The following ZNF385D variants were observed in gnomAD, a reference collection of about 807,000 sequenced individuals.
ZNF385D encodes zinc finger protein 659.
A neutral mutation model predicts 35.8 loss-of-function variants in ZNF385D; 15 were observed. The ratio of observed to expected loss-of-function variants is 0.42; its 90% CI spans 0.28 to 0.64. ZNF385D has a LOEUF of 0.64. Ranked by LOEUF, ZNF385D falls within the 30% of genes least tolerant of loss-of-function variation. ZNF385D has a pLI of 0.23. For missense variants in ZNF385D, 474 were observed against 494.6 expected, an observed-to-expected ratio of 0.96 and a Z score of 0.39; for synonymous variants, 212 against 186.8, an observed-to-expected ratio of 1.13 and a Z score of -1.10.
At chr3:21,453,520 A>C (rs890825920) in intron 4 of ZNF385D, among the ~76,000 whole-genome samples, 1 of 152,014 alleles carries the variant, frequency 6.6e-6, no homozygotes, top group African/African-American at 2.4e-5. Context: ...CAAATCCACG[A>C]TATAAAGACA....
chr3:21,765,825 A>G (rs1347029836), intron 3 of ZNF385D, among the ~76,000 whole-genome samples: 1 of 152,092 alleles, frequency 6.6e-6, no homozygotes, highest in African/African-American at 2.4e-5. Flanking sequence ...TGGTTAATTC[A>G]AAAGTTTCTT....
chr3:21,926,636 T>C, intron 3 of ZNF385D, among the ~76,000 whole-genome samples: 1 of 152,104 alleles, frequency 6.6e-6, no homozygotes. Flanking sequence ...TTACACCTTA[T>C]ACAAAAATTA....
chr3:21,930,726 T>C (rs1428802702), intron 3 of ZNF385D, among the ~76,000 whole-genome samples: 1 of 152,108 alleles, frequency 6.6e-6, no homozygotes, highest in African/African-American at 2.4e-5. Flanking sequence ...GTGAGAGGAA[T>C]GATAGTCTTC....
intron 3 of ZNF385D, among the ~76,000 whole-genome samples, chr3:21,960,203 T>C (rs372345290): frequency 2.7e-5 from 4 of 149,372 alleles, no homozygotes; most frequent in Admixed American, 6.7e-5. Flanking sequence ...TAAACAGCAA[T>C]ACACACACAC....
At chr3:22,046,039 A>G (rs960790032) in intron 3 of ZNF385D, among the ~76,000 whole-genome samples, 3 of 152,074 alleles carry the variant, frequency 2.0e-5, no homozygotes, top group Non-Finnish European at 2.9e-5. Context: ...TGTTAGTATA[A>G]TAATTGTCAA....
intron 3 of ZNF385D, among the ~76,000 whole-genome samples, chr3:21,803,321 A>G (rs546277788): frequency 3.3e-5 from 5 of 152,284 alleles, no homozygotes; most frequent in South Asian, 2.1e-4. Flanking sequence ...AGTGTTCACT[A>G]TTATCATCTT....
At chr3:21,998,881 C>T (rs577417887) in intron 3 of ZNF385D, among the ~76,000 whole-genome samples, 1 of 152,242 alleles carries the variant, frequency 6.6e-6, no homozygotes, top group South Asian at 2.1e-4. Flanking sequence ...CATGCACATA[C>T]TGAAGAGTTC....
chr3:21,771,099 G>T (rs2071057997), intron 3 of ZNF385D, among the ~76,000 whole-genome samples: 1 of 146,482 alleles, frequency 6.8e-6, no homozygotes, highest in African/African-American at 2.5e-5. Context: ...GTGGGGTCGG[G>T]GGAGGGGAGA....
intron 1 of ZNF385D, among the ~76,000 whole-genome samples, chr3:21,675,380 C>T (rs1211331990): frequency 6.6e-6 from 1 of 151,994 alleles, no homozygotes. Context: ...ACACTGGGTA[C>T]TGTACTGGGT....
chr3:21,832,855 CA>C (rs1382936875), intron 3 of ZNF385D, among the ~76,000 whole-genome samples: 1 of 152,080 alleles, frequency 6.6e-6, no homozygotes, highest in Non-Finnish European at 1.5e-5. Flanking sequence ...GCTTAACACC[CA>C]AAAGGAAAAA....
At chr3:22,208,220 A>G (rs1697282393) in intron 2 of ZNF385D, among the ~76,000 whole-genome samples, 1 of 151,982 alleles carries the variant, frequency 6.6e-6, no homozygotes, top group South Asian at 2.1e-4. Context: ...GGAGAAAGAA[A>G]ATGTGCTACA....
intron 3 of ZNF385D, among the ~76,000 whole-genome samples, chr3:22,130,088 C>A (rs146350338): frequency 1.7e-4 from 26 of 152,154 alleles, no homozygotes; most frequent in Non-Finnish European, 3.7e-4. Context: ...CCTTTGTGGC[C>A]CTGGGTGGGT....
intron 2 of ZNF385D, among the ~76,000 whole-genome samples, chr3:21,587,692 TA>T (rs1389730162): frequency 6.6e-6 from 1 of 152,050 alleles, no homozygotes; most frequent in African/African-American, 2.4e-5. Context: ...ATTATTGGTA[TA>T]ACTGAAGACA....
chr3:21,463,214 G>C (rs1703291572), intron 4 of ZNF385D, among the ~76,000 whole-genome samples: 1 of 13,050 alleles, frequency 7.7e-5, no homozygotes. Context: ...AATAAAAGTA[G>C]AGCAAAAAAA....
intron 3 of ZNF385D, among the ~76,000 whole-genome samples, chr3:21,907,026 C>T (rs1252279514): frequency 6.6e-6 from 1 of 152,126 alleles, no homozygotes; most frequent in Admixed American, 6.6e-5. Context: ...GGATCCATGT[C>T]AATATCACTT....
intron 1 of ZNF385D, among the ~76,000 whole-genome samples, chr3:21,700,171 A>G (rs1010729386): frequency 6.6e-6 from 1 of 152,028 alleles, no homozygotes; most frequent in Non-Finnish European, 1.5e-5. Flanking sequence ...GCGCAGGGCT[A>G]GAGAATGTCG....
intron 2 of ZNF385D, among the ~76,000 whole-genome samples, chr3:22,320,124 C>T (rs1243233016): frequency 6.6e-6 from 1 of 151,764 alleles, no homozygotes; most frequent in Non-Finnish European, 1.5e-5. Flanking sequence ...ACATCCTCAA[C>T]CTTCTCTCTT....
chr3:22,025,899 T>C (rs896716876), intron 3 of ZNF385D, among the ~76,000 whole-genome samples: 15 of 152,162 alleles, frequency 9.9e-5, no homozygotes, highest in African/African-American at 3.6e-4. Context: ...ACGGCAGTCA[T>C]TCAACTACAA....
chr3:22,028,131 G>A (rs1334255457), intron 3 of ZNF385D, among the ~76,000 whole-genome samples: 2 of 152,188 alleles, frequency 1.3e-5, no homozygotes, highest in East Asian at 3.9e-4. Context: ...AGCATGCTTG[G>A]AAAACTGGTA....
Sources: gnomAD v4.1 joint callset for allele counts (sites outside exome capture counted in the v4.1 genomes callset) on GRCh38, gnomAD v4.1.1 for gene constraint, MANE v1.5 for transcripts, NCBI Gene and HGNC (gene_info 2026-07-23, HGNC 2026-07-21) for gene names.